Variants in WWOX observed in about 807,000 individuals in gnomAD.
WWOX encodes WW domain-containing oxidoreductase.
A neutral mutation model predicts 46.2 loss-of-function variants in WWOX; 69 were observed. That is an observed-to-expected ratio of 1.49 (90% CI 1.23 to 1.82). The LOEUF is 1.82. WWOX is among the 40% of genes most tolerant of loss of function. The probability of loss-of-function intolerance (pLI) is 0.00; values close to 1 mark genes in which losing one functional copy is unlikely to be tolerated. For synonymous variants in WWOX, 359 were observed against 202.6 expected (o/e 1.77, Z -6.56); for missense variants, 919 against 542.6 (o/e 1.69, Z -6.89).
intron 5 of WWOX, among the ~76,000 whole-genome samples, chr16:78,170,875 G>A (rs2035134681): frequency 6.6e-6 from 1 of 152,238 alleles, no homozygotes; most frequent in Non-Finnish European, 1.5e-5. Context: ...CAGAGGTAAT[G>A]GAATGTGCAT....
intron 8 of WWOX, among the ~76,000 whole-genome samples, chr16:79,158,972 A>G (rs1244677319): frequency 6.6e-6 from 1 of 152,180 alleles, no homozygotes; most frequent in Non-Finnish European, 1.5e-5. Context: ...AGAACAGTGT[A>G]AAAACCACAT....
chr16:78,973,314 C>T (rs1376883052), intron 8 of WWOX, among the ~76,000 whole-genome samples: 2 of 152,002 alleles, frequency 1.3e-5, no homozygotes, highest in Admixed American at 6.6e-5. Context: ...ACTTATGTTC[C>T]CTAGTGGAGA....
intron 8 of WWOX, among the ~76,000 whole-genome samples, chr16:78,805,988 T>C (rs2051025103): frequency 6.6e-6 from 1 of 152,198 alleles, no homozygotes; most frequent in Admixed American, 6.5e-5. Flanking sequence ...GAGGATCCTC[T>C]TAAGACAAGA....
Position 78,148,353 on chromosome 16 carries a change from C to T in WWOX, c.410-15830C>T, listed in dbSNP as rs191365507. ...TTGGTTAGTTAACAAAAGGATTGCCCTCTGAAGAACATGAACTTGGGCCAG... is the reference window on the plus strand; with the variant it reads ...TTGGTTAGTTAACAAAAGGATTGCCTTCTGAAGAACATGAACTTGGGCCAG... On this transcript the variant is annotated intron_variant, in intron 4 of 8. Coordinates refer to ENST00000566780, the MANE Select transcript of WWOX (RefSeq NM_016373.4). Among the ~76,000 whole-genome samples, 48 of 152,186 alleles carry T rather than the reference C, an allele frequency of 3.2e-4. No individual in the cohort carries two copies. The East Asian group carries it at 7.6e-3, about 24-fold the overall frequency.
At chr16:78,502,904 T>C (rs1033538476) in intron 8 of WWOX, among the ~76,000 whole-genome samples, 3 of 152,186 alleles carry the variant, frequency 2.0e-5, no homozygotes, top group African/African-American at 7.2e-5. Context: ...TTTTCTATTC[T>C]GGGCCTCCCT....
chr16:78,455,677 T>C (rs918418912), intron 8 of WWOX, among the ~76,000 whole-genome samples: 5 of 134,668 alleles, frequency 3.7e-5, no homozygotes, highest in Non-Finnish European at 7.8e-5. Context: ...AAAATCAAAA[T>C]TGATGCAAAA....
Position 79,064,630 on chromosome 16 carries a change from C to T in WWOX, c.1057-146978C>T, listed in dbSNP as rs148323848. On this transcript the variant is annotated intron_variant, in intron 8 of 8. Coordinates refer to ENST00000566780, the MANE Select transcript of WWOX (RefSeq NM_016373.4). ...ACATGGAGCAAAGCAGTTATTTAGC[C>T]GTCCATCCGGCACTGCCAACCTCTT... Among the ~76,000 whole-genome samples the T allele has an allele frequency of 2.9e-3, 442 of 152,230 alleles. 3 individuals carry two copies. The highest frequency in any genetic ancestry group is 4.6e-3 in the South Asian group (22 of 4,812).
intron 8 of WWOX, among the ~76,000 whole-genome samples, chr16:78,718,965 A>C (rs77168306): frequency 7.3e-5 from 11 of 150,736 alleles, no homozygotes; most frequent in African/African-American, 2.5e-4. Context: ...CTAACCACTC[A>C]TTCACATTTT....
At chr16:78,277,365 T>G (rs1293667915) in intron 5 of WWOX, among the ~76,000 whole-genome samples, 1 of 152,172 alleles carries the variant, frequency 6.6e-6, no homozygotes, top group Non-Finnish European at 1.5e-5. Context: ...CCATTGCCAT[T>G]TCTAGCATTC....
At chr16:78,405,215 T>C (rs1267121345) in intron 6 of WWOX, among the ~76,000 whole-genome samples, 1 of 152,144 alleles carries the variant, frequency 6.6e-6, no homozygotes, top group Non-Finnish European at 1.5e-5. Flanking sequence ...AAGTTGCAAA[T>C]GGTGCATGAA....
intron 8 of WWOX, among the ~76,000 whole-genome samples, chr16:78,533,482 T>C (rs2043679398): frequency 6.6e-6 from 1 of 152,122 alleles, no homozygotes; most frequent in South Asian, 2.1e-4. Context: ...TTGGGCCAGA[T>C]TCAAAGTTGT....
intron 5 of WWOX, among the ~76,000 whole-genome samples, chr16:78,334,845 CACACACACACAA>C (rs2080847576): frequency 2.2e-5 from 3 of 136,872 alleles, no homozygotes; most frequent in African/African-American, 9.7e-5. Flanking sequence ...CACACACACA[CACACACACACAA>C]AATCACCAAA....
chr16:79,101,947 C>A (rs1453321779), intron 8 of WWOX, among the ~76,000 whole-genome samples: 8 of 149,974 alleles, frequency 5.3e-5, no homozygotes, highest in Non-Finnish European at 1.0e-4. Context: ...CTAAACAATT[C>A]TGGAAGAGTT....
rs59374463 is a variant in WWOX, at chr16:78,634,837, AGTGTGTGTGT to A, written c.1056+202113_1056+202122del. Among the ~76,000 whole-genome samples, 282 of 111,784 alleles carry A rather than the reference AGTGTGTGTGT, an allele frequency of 2.5e-3. 1 individual carries two copies. The highest frequency in any genetic ancestry group is 2.6e-3 in the African/African-American group (74 of 28,114). 73.3% of individuals were successfully genotyped at this position (111,784 alleles called of 152,430 possible). A position where few individuals can be genotyped will look rare whatever the true frequency, so the allele number is the denominator to read the frequency against. ...GAGAGAGAGAGAGAGAGAGAGAGAG[AGTGTGTGTGT>A]GTGTGTGTGTGTGTGTGTGTGTGTG... On this transcript the variant is annotated intron_variant, in intron 8 of 8. Coordinates refer to ENST00000566780, the MANE Select transcript of WWOX (RefSeq NM_016373.4).
chr16:78,186,073 C>G (rs944006472), intron 5 of WWOX, among the ~76,000 whole-genome samples: 1 of 152,094 alleles, frequency 6.6e-6, no homozygotes, highest in African/African-American at 2.4e-5. Context: ...GTAGTTAGTC[C>G]AGATTGAAAT....
At position 78,416,534 on chromosome 16, in the gene WWOX, C is replaced by T. The variant is rs765428336; in HGVS notation, c.606-8336C>T. On this transcript the variant is annotated intron_variant, in intron 6 of 8. Coordinates refer to ENST00000566780, the MANE Select transcript of WWOX (RefSeq NM_016373.4). ...TTGGTGAGAGAGGAAAGGGTTTTCC[C>T]AGGTCCTCTGTGGGTTCTTGCCTCC... 2.0e-4 allele frequency among the ~76,000 whole-genome samples: 30 copies of T among 152,158 alleles called. 1 individual carries two copies. The highest frequency in any genetic ancestry group is 1.0e-4 in the Non-Finnish European group (7 of 68,030).
chr16:78,244,752 AG>A (rs1240966001), intron 5 of WWOX, among the ~76,000 whole-genome samples: 1 of 152,170 alleles, frequency 6.6e-6, no homozygotes, highest in Admixed American at 6.5e-5. Context: ...TGTGGAATGA[AG>A]TAGGCGGGCC....
intron 8 of WWOX, among the ~76,000 whole-genome samples, chr16:78,618,685 G>A (rs988866661): frequency 6.6e-6 from 1 of 152,034 alleles, no homozygotes. Flanking sequence ...TTTGATCCGG[G>A]GGAATAAAGC....
At chr16:78,660,061 C>G (rs917955910) in intron 8 of WWOX, among the ~76,000 whole-genome samples, 1 of 152,202 alleles carries the variant, frequency 6.6e-6, no homozygotes, top group African/African-American at 2.4e-5. Flanking sequence ...CATAGTGACA[C>G]CAGAGTTGTT....
Sources: allele counts gnomAD v4.1 joint callset (sites outside exome capture counted in the v4.1 genomes callset), GRCh38; gene constraint gnomAD v4.1.1; transcripts MANE v1.5; gene names NCBI Gene and HGNC (gene_info 2026-07-23, HGNC 2026-07-21).